The following GARNL3 variants were observed in gnomAD, a reference collection of about 807,000 sequenced individuals.
GARNL3 encodes the protein GTPase activating Rap/RanGAP domain like 3.
GARNL3 carries 63 observed loss-of-function variants against 125.0 expected under a neutral mutation model. That is an observed-to-expected ratio of 0.50 (90% CI 0.41 to 0.62). GARNL3 has a LOEUF of 0.62. GARNL3 is among the 20% of genes least tolerant of loss of function. The pLI, the probability that GARNL3 is intolerant of heterozygous loss-of-function variation, is 0.00. For missense variants in GARNL3, 994 were observed against 1,244.0 expected, an observed-to-expected ratio of 0.80 and a Z score of 3.02; for synonymous variants, 439 against 457.5, an observed-to-expected ratio of 0.96 and a Z score of 0.52.
At chr9:127,250,437 ACT>A (rs2063380981) in intron 2 of GARNL3, among the ~76,000 whole-genome samples, 1 of 152,176 alleles carries the variant, frequency 6.6e-6, no homozygotes, top group Non-Finnish European at 1.5e-5. Context: ...ATGGGAGATG[ACT>A]CTGAACTTTG....
intron 1 of GARNL3, among the ~76,000 whole-genome samples, chr9:127,285,494 C>G (rs1281871823): frequency 6.6e-6 from 1 of 152,064 alleles, no homozygotes; most frequent in Admixed American, 6.5e-5. Context: ...ATTCTCTGTA[C>G]CTTGATACAG....
chr9:127,299,915 G>A (rs2064732266), intron 2 of GARNL3, among the ~76,000 whole-genome samples: 1 of 151,646 alleles, frequency 6.6e-6, no homozygotes, highest in Non-Finnish European at 1.5e-5. Flanking sequence ...TATTGGCCAG[G>A]CTGGTATTGA....
chr9:127,370,154 G>C (rs759484879), intron 22 of GARNL3, among the ~76,000 whole-genome samples: 2 of 152,168 alleles, frequency 1.3e-5, no homozygotes, highest in Non-Finnish European at 2.9e-5. Flanking sequence ...CATCAAAGGA[G>C]TCCCTAAGCC....
In GARNL3 at chr9:127,311,031, A is replaced by C. The variant is rs946860587; in HGVS notation, c.220-605A>C. Reference sequence around the variant, plus strand: ...GCAAACGTGGAATTAGAAGATGATAAATTTTATTTACAATAACAAAAATTG... The same window carrying C: ...GCAAACGTGGAATTAGAAGATGATACATTTTATTTACAATAACAAAAATTG... On this transcript the variant is annotated intron_variant, in intron 2 of 27. Coordinates refer to ENST00000373387, the MANE Select transcript of GARNL3 (RefSeq NM_032293.5). Among the ~76,000 whole-genome samples, 5 of 152,268 alleles carry C rather than the reference A, an allele frequency of 3.3e-5. No homozygotes were observed. In the South Asian group the frequency reaches 8.3e-4, roughly 25 times the overall value.
chr9:127,252,922 C>T (rs1448642784), intron 2 of GARNL3, among the ~76,000 whole-genome samples: 1 of 152,164 alleles, frequency 6.6e-6, no homozygotes, highest in Non-Finnish European at 1.5e-5. Flanking sequence ...CGTGAACTGA[C>T]AGCTAGTGAG....
At chr9:127,233,728 A>G (rs1018718123) in intron 1 of GARNL3, among the ~76,000 whole-genome samples, 2 of 152,210 alleles carry the variant, frequency 1.3e-5, no homozygotes, top group African/African-American at 2.4e-5. Flanking sequence ...TTAGTAATGC[A>G]TAGAACCCAC....
In GARNL3 at chr9:127,308,142, A is replaced by G. The variant is rs115551572; in HGVS notation, c.220-3494A>G. 3.4e-3 allele frequency among the ~76,000 whole-genome samples: 522 copies of G among 152,380 alleles called. 5 individuals are homozygous for G. Among genetic ancestry groups the G allele is most frequent in the African/African-American group, 0.011 (465 of 41,596 alleles). On this transcript the variant is annotated intron_variant, in intron 2 of 27. Coordinates refer to ENST00000373387, the MANE Select transcript of GARNL3 (RefSeq NM_032293.5). ...AATGATATGCTTTCACCAAAAGGTAAAAACTAAGAGGTAATATCTTGAATA... is the reference window on the plus strand; with the variant it reads ...AATGATATGCTTTCACCAAAAGGTAGAAACTAAGAGGTAATATCTTGAATA...
At chr9:127,314,229 G>A (rs2065172451) in intron 4 of GARNL3, among the ~76,000 whole-genome samples, 1 of 152,214 alleles carries the variant, frequency 6.6e-6, no homozygotes, top group Non-Finnish European at 1.5e-5. Context: ...TAGGTCAGAT[G>A]TGAGGAGGCA....
At chr9:127,256,014 T>A (rs1442132447) in intron 2 of GARNL3, among the ~76,000 whole-genome samples, 3 of 152,210 alleles carry the variant, frequency 2.0e-5, no homozygotes, top group South Asian at 4.1e-4. Context: ...TCAAGGGATT[T>A]CCCCAAAGAA....
chr9:127,231,299 C>T (rs1238311660), intron 1 of GARNL3, among the ~76,000 whole-genome samples: 1 of 142,106 alleles, frequency 7.0e-6, no homozygotes, highest in Non-Finnish European at 1.5e-5. Context: ...GTCTAGATCT[C>T]CTGACCTCAT....
At chr9:127,261,015 G>T (rs1263382113), upstream of GARNL3, among the ~76,000 whole-genome samples, 2 of 152,130 alleles carry the variant, frequency 1.3e-5, no homozygotes, top group Non-Finnish European at 2.9e-5. Context: ...CAGCACTTTG[G>T]GAGGTTGAGG....
intron 21 of GARNL3, chr9:127,362,235 AT>A (rs34575595): frequency 0.037 from 5,226 of 142,410 alleles, 253 homozygotes; most frequent in African/African-American, 0.12. Flanking sequence ...CACCCGACTA[AT>A]TTTTTTTTTT....
chr9:127,391,422 C>T (rs1832830183), intron 27 of GARNL3, among the ~76,000 whole-genome samples: 1 of 144,134 alleles, frequency 6.9e-6, no homozygotes, highest in South Asian at 2.2e-4. Flanking sequence ...GGCATGGTGG[C>T]TCATGCCTGT....
At chr9:127,341,680 T>C (rs965953102) in intron 13 of GARNL3, among the ~76,000 whole-genome samples, 3 of 152,054 alleles carry the variant, frequency 2.0e-5, no homozygotes, top group Admixed American at 1.3e-4. Context: ...TAACCACCAA[T>C]TGGAGATCAC....
chr9:127,366,655 T>A (rs1052860464), intron 22 of GARNL3: 1 of 152,160 alleles, frequency 6.6e-6, no homozygotes, highest in Non-Finnish European at 1.5e-5. Flanking sequence ...GGATTTTAGG[T>A]GGAAGAGAAG....
At chr9:127,288,230 G>A (rs1360372135) in intron 1 of GARNL3, among the ~76,000 whole-genome samples, 1 of 152,208 alleles carries the variant, frequency 6.6e-6, no homozygotes, top group Non-Finnish European at 1.5e-5. Context: ...CAGTGGGTCA[G>A]GGAAGGTATA....
chr9:127,289,663 G>A (rs1310149834), intron 1 of GARNL3, among the ~76,000 whole-genome samples: 2 of 152,168 alleles, frequency 1.3e-5, no homozygotes, highest in African/African-American at 4.8e-5. Context: ...GTGACCCAAA[G>A]CCCTCACTAT....
chr9:127,319,056 G>A (rs1028764600), intron 5 of GARNL3, among the ~76,000 whole-genome samples: 8 of 152,090 alleles, frequency 5.3e-5, no homozygotes, highest in Non-Finnish European at 2.9e-5. Flanking sequence ...CTCTCTATTC[G>A]TCTGCAGCTA....
intron 22 of GARNL3, among the ~76,000 whole-genome samples, chr9:127,373,191 A>T (rs1026282082): frequency 6.6e-5 from 10 of 152,222 alleles, no homozygotes; most frequent in African/African-American, 2.4e-4. Flanking sequence ...TTTTAAAGTG[A>T]GTAAGATCGA....
Sources: gnomAD v4.1 joint callset for allele counts (sites outside exome capture counted in the v4.1 genomes callset) on GRCh38, gnomAD v4.1.1 for gene constraint, MANE v1.5 for transcripts, NCBI Gene and HGNC (gene_info 2026-07-23, HGNC 2026-07-21) for gene names.